Variants in AGL observed in about 807,000 individuals in gnomAD.
AGL encodes the protein amylo-alpha-1,6-glucosidase and 4-alpha-glucanotransferase, also known as glycogen debranching enzyme.
AGL carries 128 observed loss-of-function variants against 199.3 expected under a neutral mutation model. The ratio of observed to expected loss-of-function variants is 0.64; its 90% CI spans 0.56 to 0.74. The LOEUF (loss-of-function observed/expected upper bound fraction) is 0.74, where lower values mean the gene tolerates loss of function less well. Among genes scored for constraint, AGL ranks in the 30% least tolerant of loss-of-function variants. The probability of loss-of-function intolerance (pLI) is 0.00; values close to 1 mark genes in which losing one functional copy is unlikely to be tolerated. For synonymous variants in AGL, 584 were observed against 594.7 expected (o/e 0.98, Z 0.26); for missense variants, 1,809 against 1,820.8 (o/e 0.99, Z 0.12).
chr1:99,904,810 C>T (rs1053111875), intron 27 of AGL, among the ~76,000 whole-genome samples: 16 of 152,110 alleles, frequency 1.1e-4, no homozygotes, highest in Non-Finnish European at 1.6e-4. Flanking sequence ...CTTTTTATTG[C>T]TGAGTAGTAT....
intron 31 of AGL, 125 bp downstream of exon 31, chr1:99,915,611 TAAAA>T: frequency 1.4e-6 from 1 of 739,288 alleles, no homozygotes; most frequent in Non-Finnish European, 2.3e-6. Context: ...AAATAAAAGT[TAAAA>T]AAAAAATTAG....
At chr1:99,896,793 G>A (rs986586897) in intron 25 of AGL, among the ~76,000 whole-genome samples, 1 of 151,964 alleles carries the variant, frequency 6.6e-6, no homozygotes, top group African/African-American at 2.4e-5. Flanking sequence ...GACTTAAAAT[G>A]GTTTTTTTTG....
intron 2 of AGL, chr1:99,852,536 ATTTTTTT>A (rs58176899): frequency 2.5e-5 from 12 of 477,646 alleles, no homozygotes; most frequent in Admixed American, 7.5e-5. Context: ...TGCCCCGCTA[ATTTTTTT>A]TTTTTTTTTT....
rs113479579 is a variant in AGL at position 99,898,886 on chromosome 1, A to G, written c.3363-1750A>G. On this transcript the variant is annotated intron_variant, in intron 25 of 33. Transcript: ENST00000361915. ...ACAGATGGTTCTACTTCCTCCCTCT[A>G]TAGAGGTAATCATGAATCAGAAGTC... 3.9e-5 allele frequency among the ~76,000 whole-genome samples: 6 copies of G among 152,284 alleles called. 1 individual carries two copies.
chr1:99,852,665 C>T (rs373819948), intron 2 of AGL: 27 of 776,712 alleles, frequency 3.5e-5, no homozygotes, highest in Admixed American at 5.1e-5. Context: ...CATAAGCCAC[C>T]GGGCATGGCC....
At chr1:99,869,192 G>GA (rs1345316199) in intron 5 of AGL, among the ~76,000 whole-genome samples, 7 of 152,006 alleles carry the variant, frequency 4.6e-5, no homozygotes, top group Non-Finnish European at 7.4e-5. Flanking sequence ...TTGTCATTTT[G>GA]AAAAATACCT....
chr1:99,850,128 G>T (rs913774174), upstream of AGL: 12 of 152,346 alleles, frequency 7.9e-5, no homozygotes, highest in Non-Finnish European at 1.6e-4. Context: ...CCTGGGGCGA[G>T]TGCGCGCACG....
intron 2 of AGL, chr1:99,852,844 G>T: frequency 2.8e-6 from 2 of 709,100 alleles, no homozygotes; most frequent in African/African-American, 3.5e-5. Flanking sequence ...TCCCACCCTG[G>T]ACCTTGGCTT....
chr1:99,857,854 A>AGGGGGTGGGGGTGGGGGGG (rs1649691324), intron 2 of AGL, among the ~76,000 whole-genome samples: 2 of 110,646 alleles, frequency 1.8e-5, no homozygotes, highest in African/African-American at 3.5e-5. Context: ...GGGAGGGGGG[A>AGGGGGTGGGGGTGGGGGGG]AGAGGGAGAG....
chr1:99,850,607 G>A (rs1311023738), intron 1 of AGL, 192 bp downstream of exon 1: 4 of 196,932 alleles, frequency 2.0e-5, no homozygotes, highest in Non-Finnish European at 4.2e-5. Context: ...TCTTTGAGCA[G>A]ACTAATCTCT....
intron 5 of AGL, among the ~76,000 whole-genome samples, chr1:99,866,932 C>A (rs1650567549): frequency 6.6e-6 from 1 of 152,116 alleles, no homozygotes; most frequent in African/African-American, 2.4e-5. Context: ...GATTCTCCCG[C>A]CTCAGCCTCC....
At position 99,873,911 on chromosome 1, in the gene AGL, C is replaced by T. The variant is rs531238930; in HGVS notation, c.959-776C>T. On this transcript the variant is annotated intron_variant, in intron 7 of 33. Transcript: ENST00000361915. ...ATTTCAAAGTCTCTTTAGAATAAGC[C>T]AGACACAAATTAATTAGTTAATATA... Among the ~76,000 whole-genome samples the T allele has an allele frequency of 2.6e-5, 4 of 152,064 alleles. No homozygotes were observed. In the South Asian group the frequency reaches 8.3e-4, roughly 32 times the overall value.
At position 99,894,986 on chromosome 1, in the gene AGL, G is replaced by C. The variant is rs139516189; in HGVS notation, c.3260-1300G>C. Among the ~76,000 whole-genome samples the C allele has an allele frequency of 1.7e-3, 265 of 152,238 alleles. 3 individuals carry two copies. The highest frequency in any genetic ancestry group is 6.0e-3 in the African/African-American group (248 of 41,548). ...TTTAAGATAGTTATAAGTGAATGCT[G>C]TGTATATTTTATTTGTCCTCAGTTT... On this transcript the variant is annotated intron_variant, in intron 24 of 33. Transcript: ENST00000361915.
At chr1:99,865,380 A>G (rs1263390788) in intron 5 of AGL, among the ~76,000 whole-genome samples, 1 of 152,242 alleles carries the variant, frequency 6.6e-6, no homozygotes, top group African/African-American at 2.4e-5. Context: ...ACTTATTAGT[A>G]AACTCTCAGA....
intron 7 of AGL, among the ~76,000 whole-genome samples, chr1:99,871,274 A>G: frequency 6.6e-6 from 1 of 152,140 alleles, no homozygotes; most frequent in East Asian, 1.9e-4. Flanking sequence ...ACTGACGTAG[A>G]GGGGCTCCCA....
rs533280246 is a variant in AGL, at chr1:99,881,063, T to A, written c.1900-13T>A. The A allele has an allele frequency of 3.7e-6, 6 of 1,607,678 alleles. No individual in the cohort carries two copies. Among genetic ancestry groups the A allele is most frequent in the Admixed American group, 1.7e-5 (1 of 59,988 alleles). Reference sequence around the variant, plus strand: ...AGAAAGCAAACTTTTGCTTTGTTGTTGTTGTCTTCTAGCATAGATCAGCGT... The same window carrying A: ...AGAAAGCAAACTTTTGCTTTGTTGTAGTTGTCTTCTAGCATAGATCAGCGT... On this transcript the variant is annotated splice_polypyrimidine_tract_variant and intron_variant, in intron 14 of 33. Coordinates refer to ENST00000361915, the MANE Select transcript of AGL (RefSeq NM_000642.3).
intron 2 of AGL, chr1:99,861,165 G>A (rs1417391810): frequency 1.7e-6 from 2 of 1,178,998 alleles, no homozygotes; most frequent in African/African-American, 3.2e-5. Flanking sequence ...CTGCCATTGG[G>A]TACTTAATTC....
Position 99,870,745 on chromosome 1 carries a change from T to G in AGL, c.847-13T>G. On this transcript the variant is annotated splice_polypyrimidine_tract_variant and intron_variant, in intron 6 of 33. Coordinates refer to ENST00000361915, the MANE Select transcript of AGL (RefSeq NM_000642.3). Reference sequence around the variant, plus strand: ...ATGTATATATGTATTTTTTAACTATTGACATTTTTCAGTCCATCCGAAAAA... The same window carrying G: ...ATGTATATATGTATTTTTTAACTATGGACATTTTTCAGTCCATCCGAAAAA... 1 of 1,537,838 alleles carries G rather than the reference T, an allele frequency of 6.5e-7. No individual in the cohort carries two copies. The highest frequency in any genetic ancestry group is 9.0e-7 in the Non-Finnish European group (1 of 1,111,774).
At position 99,862,437 on chromosome 1, in the gene AGL, G is replaced by A. The variant is rs200617849; in HGVS notation, c.460+14G>A. Reference sequence around the variant, plus strand: ...CAAAAGAATCAGGTAATGTCAGCTTGCTTTCTTTTTCTTATTTAAAAAAAT... The same window carrying A: ...CAAAAGAATCAGGTAATGTCAGCTTACTTTCTTTTTCTTATTTAAAAAAAT... On this transcript the variant is annotated intron_variant, in intron 4 of 33. Transcript: ENST00000361915. 3 of 1,613,376 alleles carry A rather than the reference G, an allele frequency of 1.9e-6. No homozygotes were observed. The highest frequency in any genetic ancestry group is 2.7e-5 in the African/African-American group (2 of 74,868).
Sources: gnomAD v4.1 joint callset for allele counts (sites outside exome capture counted in the v4.1 genomes callset) on GRCh38, gnomAD v4.1.1 for gene constraint, MANE v1.5 for transcripts, NCBI Gene and HGNC (gene_info 2026-07-23, HGNC 2026-07-21) for gene names.